The following LOXHD1 variants were observed in gnomAD, a reference collection of about 807,000 sequenced individuals.
The protein encoded by LOXHD1 is lipoxygenase homology PLAT domains 1.
LOXHD1 carries 205 observed loss-of-function variants against 248.2 expected under a neutral mutation model. That is an observed-to-expected ratio of 0.83 (90% CI 0.74 to 0.93). The LOEUF (loss-of-function observed/expected upper bound fraction) is 0.93. Among genes scored for constraint, LOXHD1 ranks in the 40% least tolerant of loss-of-function variants. The probability of loss-of-function intolerance (pLI) is 0.00; values close to 1 mark genes in which losing one functional copy is unlikely to be tolerated. For synonymous variants in LOXHD1, 1,113 were observed against 1,162.8 expected, an observed-to-expected ratio of 0.96 and a Z score of 0.87; for missense variants, 2,930 against 2,971.6, an observed-to-expected ratio of 0.99 and a Z score of 0.33.
At chr18:46,569,396 G>C in intron 16 of LOXHD1, 46 bp downstream of exon 16, 1 of 1,499,728 alleles carries the variant, frequency 6.7e-7, no homozygotes, top group Non-Finnish European at 9.1e-7. Flanking sequence ...ATGTGTGTTC[G>C]GAAATGGGTG....
In LOXHD1 at chr18:46,618,205, C is replaced by T. The variant is rs1424124384; in HGVS notation, c.597G>A (p.Glu199=). 8.4e-6 allele frequency: 13 copies of T among 1,550,950 alleles called. No homozygotes were observed. The highest frequency in any genetic ancestry group is 1.4e-5 in the African/African-American group (1 of 73,142). Residue 199 remains glutamate, a synonymous_variant, in exon 5 of 41, where the codon GAG becomes GAA. Transcript: ENST00000642948. The stretch of plus-strand genomic sequence containing the variant: ...CAAACCCATTACCTGTGTCTCCATA[C>T]TCTCCAAAAATATTGATGAAGACAT... ...DADVFINIFG[E]YGDTGERRLE...
chr18:46,649,941 C>T (rs557950456), intron 1 of LOXHD1, among the ~76,000 whole-genome samples: 2 of 152,128 alleles, frequency 1.3e-5, no homozygotes, highest in Admixed American at 1.3e-4. Flanking sequence ...CTACTCTAGC[C>T]AAGTGAAGCA....
At chr18:46,629,792 T>TAA (rs774591794) in intron 4 of LOXHD1, among the ~76,000 whole-genome samples, 14,716 of 126,480 alleles carry the variant, frequency 0.12, 910 homozygotes, top group Middle Eastern at 0.17. Context: ...CACTGGGCAT[T>TAA]AAAAAAAAAA....
At chr18:46,553,358 C>G (rs974779140) in intron 21 of LOXHD1, among the ~76,000 whole-genome samples, 3 of 152,132 alleles carry the variant, frequency 2.0e-5, no homozygotes, top group Non-Finnish European at 4.4e-5. Context: ...GCCTGAGGCT[C>G]AGAGGAGTAA....
chr18:46,585,975 C>T (rs915571064), intron 12 of LOXHD1, among the ~76,000 whole-genome samples: 6 of 152,220 alleles, frequency 3.9e-5, no homozygotes, highest in Non-Finnish European at 8.8e-5. Flanking sequence ...TTTATGGCAG[C>T]ATTATTTACA....
intron 37 of LOXHD1, among the ~76,000 whole-genome samples, chr18:46,491,643 A>AT (rs1342436028): frequency 3.9e-5 from 6 of 152,038 alleles, no homozygotes; most frequent in African/African-American, 1.2e-4. Context: ...CCATCACGAG[A>AT]TTTTTTCTGT....
chr18:46,563,000 C>G, intron 18 of LOXHD1, 65 bp downstream of exon 18: 1 of 1,493,558 alleles, frequency 6.7e-7, no homozygotes, highest in Non-Finnish European at 9.0e-7. Flanking sequence ...ATTAGTACAC[C>G]CAGGGAAGCA....
In LOXHD1 at chr18:46,594,370, G is replaced by A. The variant is rs750094027; in HGVS notation, c.1231C>T (p.Leu411Phe). 21 of 1,551,514 alleles carry A rather than the reference G, an allele frequency of 1.4e-5. No individual in the cohort carries two copies. Among genetic ancestry groups the A allele is most frequent in the Admixed American group, 2.0e-5 (1 of 50,982 alleles). The part of the protein sequence containing the change: ...KKADGLIERQ[L>F]YEMVSLRKKR... Reference sequence around the variant, plus strand: ...TTCCTGAGAGACACCATCTCATAGAGCTGCCTCTCAATCAACCCATCCGCT... The same window carrying A: ...TTCCTGAGAGACACCATCTCATAGAACTGCCTCTCAATCAACCCATCCGCT... Residue 411 changes from leucine to phenylalanine, a missense_variant, in exon 9 of 41, where the codon CTC becomes TTC. Coordinates refer to ENST00000642948, the MANE Select transcript of LOXHD1 (RefSeq NM_001384474.1).
At chr18:46,542,900 T>A (rs1317068726) in intron 23 of LOXHD1, 45 bp from the exon 24 acceptor site, 4 of 1,551,218 alleles carry the variant, frequency 2.6e-6, no homozygotes, top group Non-Finnish European at 3.5e-6. Flanking sequence ...ACCTGAGGCC[T>A]TTCAAGCCTA....
At chr18:46,640,698 A>C (rs1337989848) in intron 3 of LOXHD1, among the ~76,000 whole-genome samples, 1 of 152,190 alleles carries the variant, frequency 6.6e-6, no homozygotes, top group African/African-American at 2.4e-5. Context: ...GCACGCCTCA[A>C]TTTGGATTAG....
At chr18:46,563,355 C>T in intron 17 of LOXHD1, 130 bp from the exon 18 acceptor site, 1 of 848,842 alleles carries the variant, frequency 1.2e-6, no homozygotes, top group East Asian at 2.8e-5. Context: ...TTATCTAATC[C>T]TCTCCTCAAC....
At chr18:46,592,132 C>A in intron 11 of LOXHD1, 64 bp from the exon 12 acceptor site, 1 of 1,539,494 alleles carries the variant, frequency 6.5e-7, no homozygotes, top group Non-Finnish European at 8.8e-7. Context: ...GCCCTGCAGT[C>A]CCCATTCTGC....
rs934503952 is a variant in LOXHD1, at chr18:46,586,008, T to C, written c.1654+5925A>G. On this transcript the variant is annotated intron_variant, in intron 12 of 40. Transcript: ENST00000642948. ...ACATAACCAAAAAGTAGAAACAACA[T>C]AAATGCTCTTTAACAGTTGAATTTG... Among the ~76,000 whole-genome samples, 20 of 152,308 alleles carry C rather than the reference T, an allele frequency of 1.3e-4. No homozygotes were observed. In the East Asian group the frequency reaches 3.9e-3, roughly 29 times the overall value.
At chr18:46,491,188 C>T (rs572546909) in intron 37 of LOXHD1, among the ~76,000 whole-genome samples, 1 of 152,332 alleles carries the variant, frequency 6.6e-6, no homozygotes, top group African/African-American at 2.4e-5. Context: ...AAGACACACA[C>T]ACAAACAGAT....
intron 32 of LOXHD1, 140 bp downstream of exon 32, chr18:46,521,961 G>A: frequency 2.9e-6 from 2 of 679,228 alleles, no homozygotes; most frequent in Non-Finnish European, 4.8e-6. Context: ...TGGCTAGTTG[G>A]TTCTTCTCTG....
chr18:46,539,513 T>C (rs1001532773), intron 25 of LOXHD1, among the ~76,000 whole-genome samples: 1 of 152,064 alleles, frequency 6.6e-6, no homozygotes, highest in African/African-American at 2.4e-5. Flanking sequence ...GCAGGATGGG[T>C]CTAGGGATCT....
intron 2 of LOXHD1, 32 bp from the exon 3 acceptor site, chr18:46,642,068 A>C: frequency 6.5e-7 from 1 of 1,543,528 alleles, no homozygotes; most frequent in Non-Finnish European, 8.8e-7. Flanking sequence ...AGTGCAGATC[A>C]GCTGTTGGCT....
intron 14 of LOXHD1, among the ~76,000 whole-genome samples, chr18:46,576,457 C>T (rs886577431): frequency 2.0e-5 from 3 of 152,100 alleles, no homozygotes; most frequent in Admixed American, 1.3e-4. Flanking sequence ...CCCTCAGCCC[C>T]TTGCTCATGC....
At chr18:46,604,077 A>T in intron 7 of LOXHD1, 29 bp downstream of exon 7, 1 of 1,551,444 alleles carries the variant, frequency 6.4e-7, no homozygotes, top group Non-Finnish European at 8.7e-7. Flanking sequence ...TGAAATACCC[A>T]AAAGAGCCTC....
Sources: allele counts gnomAD v4.1 joint callset (sites outside exome capture counted in the v4.1 genomes callset), GRCh38; gene constraint gnomAD v4.1.1; transcripts MANE v1.5; gene names NCBI Gene and HGNC (gene_info 2026-07-23, HGNC 2026-07-21).